The following EXOSC7 variants were observed in gnomAD, a reference collection of about 807,000 sequenced individuals.
EXOSC7 encodes exosome complex component RRP42.
In EXOSC7, 25 loss-of-function variants were observed where a neutral mutation model predicts 34.3. That is an observed-to-expected ratio of 0.73 (90% CI 0.53 to 1.02). The LOEUF (loss-of-function observed/expected upper bound fraction) is 1.02, where lower values mean the gene tolerates loss of function less well. Among genes scored for constraint, EXOSC7 ranks in the 50% least tolerant of loss-of-function variants. The pLI, the probability that EXOSC7 is intolerant of heterozygous loss-of-function variation, is 0.00. For synonymous variants in EXOSC7, 130 were observed against 143.0 expected (o/e 0.91, Z 0.65); for missense variants, 370 against 368.5 (o/e 1.00, Z -0.03).
chr3:45,010,006 ATTAC>A (rs1707161139), intron 7 of EXOSC7, among the ~76,000 whole-genome samples: 2 of 152,184 alleles, frequency 1.3e-5, no homozygotes, highest in African/African-American at 4.8e-5. Context: ...CACACAAGTC[ATTAC>A]TCTGGGGAGG....
intron 3 of EXOSC7, among the ~76,000 whole-genome samples, chr3:44,995,977 T>G (rs1706710627): frequency 6.6e-6 from 1 of 152,216 alleles, no homozygotes; most frequent in African/African-American, 2.4e-5. Context: ...CCTTTAAACC[T>G]GAATGCTAAT....
At chr3:44,980,990 C>T (rs1284407945) in intron 1 of EXOSC7, among the ~76,000 whole-genome samples, 1 of 152,174 alleles carries the variant, frequency 6.6e-6, no homozygotes, top group African/African-American at 2.4e-5. Flanking sequence ...TGTGTGTTTT[C>T]CTCATCCATG....
chr3:45,003,363 A>G (rs4683020), intron 5 of EXOSC7, among the ~76,000 whole-genome samples: 3,456 of 49,568 alleles, frequency 0.07, 59 homozygotes, highest in East Asian at 0.46. Flanking sequence ...GTGTGTGTGT[A>G]TGTGTGTGTG....
At chr3:44,996,526 T>G (rs1327856100) in intron 3 of EXOSC7, among the ~76,000 whole-genome samples, 1 of 152,244 alleles carries the variant, frequency 6.6e-6, no homozygotes, top group African/African-American at 2.4e-5. Flanking sequence ...AGTACAGTGA[T>G]ATCTAAAGTT....
intron 1 of EXOSC7, 50 bp from the exon 2 acceptor site, chr3:44,989,090 A>C: frequency 7.9e-7 from 1 of 1,269,420 alleles, no homozygotes; most frequent in Non-Finnish European, 1.2e-6. Flanking sequence ...TCCGTTTAGG[A>C]GTTATTGTTG....
chr3:45,006,068 CTTTTTTTTTTTTTTTTT>C (rs34869939), intron 6 of EXOSC7, among the ~76,000 whole-genome samples: 3 of 47,298 alleles, frequency 6.3e-5, no homozygotes, highest in East Asian at 8.9e-4. Flanking sequence ...TGGGTCTTGG[CTTTTTTTTTTTTTTTTT>C]TTTTTTTTTT....
At chr3:44,988,759 C>T (rs1706488859) in intron 1 of EXOSC7, among the ~76,000 whole-genome samples, 1 of 152,162 alleles carries the variant, frequency 6.6e-6, no homozygotes. Context: ...ACAACATATA[C>T]TTCTTGGTGC....
intron 7 of EXOSC7, 99 bp downstream of exon 7, chr3:45,007,674 C>G: frequency 1.5e-6 from 2 of 1,297,020 alleles, no homozygotes; most frequent in Admixed American, 2.9e-5. Flanking sequence ...CCATTCACAG[C>G]CTTGACCCCA....
chr3:44,984,511 C>T (rs1706354923), intron 1 of EXOSC7, among the ~76,000 whole-genome samples: 1 of 151,574 alleles, frequency 6.6e-6, no homozygotes, highest in African/African-American at 2.4e-5. Context: ...AACCCTGTGA[C>T]CTTGTGGCCA....
intron 7 of EXOSC7, 62 bp from the exon 8 acceptor site, chr3:45,011,173 T>A (rs980029458): frequency 2.2e-6 from 2 of 923,202 alleles, no homozygotes; most frequent in African/African-American, 3.4e-5. Flanking sequence ...GGAATGCTTT[T>A]CTGGTCAGAG....
At chr3:44,980,813 C>T (rs976469947) in intron 1 of EXOSC7, among the ~76,000 whole-genome samples, 5 of 152,190 alleles carry the variant, frequency 3.3e-5, no homozygotes, top group African/African-American at 1.2e-4. Flanking sequence ...ATTTTTCCCA[C>T]ATTGAGTATA....
At chr3:44,993,573 C>T (rs749869822) in intron 3 of EXOSC7, among the ~76,000 whole-genome samples, 9 of 151,908 alleles carry the variant, frequency 5.9e-5, no homozygotes, top group Non-Finnish European at 1.3e-4. Flanking sequence ...GGTGATGAGT[C>T]AGAAGGGGTG....
chr3:45,010,002 A>G (rs547516668), intron 7 of EXOSC7, among the ~76,000 whole-genome samples: 1 of 152,290 alleles, frequency 6.6e-6, no homozygotes, highest in African/African-American at 2.4e-5. Context: ...AAGACACACA[A>G]GTCATTACTC....
intron 1 of EXOSC7, among the ~76,000 whole-genome samples, chr3:44,983,421 C>G (rs545817729): frequency 4.6e-5 from 7 of 152,296 alleles, no homozygotes; most frequent in African/African-American, 1.7e-4. Flanking sequence ...GGGGTTATCC[C>G]TGCTTTCTAG....
intron 5 of EXOSC7, among the ~76,000 whole-genome samples, chr3:45,003,128 C>T (rs1706925002): frequency 6.6e-6 from 1 of 152,164 alleles, no homozygotes; most frequent in Non-Finnish European, 1.5e-5. Flanking sequence ...TGGGCACAGC[C>T]ATAGTCTCAT....
chr3:44,985,475 C>T (rs150563894), intron 1 of EXOSC7, among the ~76,000 whole-genome samples: 201 of 151,950 alleles, frequency 1.3e-3, no homozygotes, highest in African/African-American at 4.4e-3. Context: ...CTGGTGGGTT[C>T]GTGGTCTCGC....
chr3:44,980,728 T>C (rs909277961), intron 1 of EXOSC7, among the ~76,000 whole-genome samples: 18 of 152,230 alleles, frequency 1.2e-4, no homozygotes, highest in African/African-American at 4.1e-4. Flanking sequence ...AAAGTTCTAA[T>C]TGACACCTCC....
At chr3:45,004,992 T>C in intron 5 of EXOSC7, 1 of 273,450 alleles carries the variant, frequency 3.7e-6, no homozygotes, top group East Asian at 6.4e-5. Context: ...ATTTTTTATA[T>C]CTATGGTCTA....
At chr3:45,004,788 ATCTG>A (rs1706987482) in intron 5 of EXOSC7, 1 of 151,734 alleles carries the variant, frequency 6.6e-6, no homozygotes, top group Non-Finnish European at 1.5e-5. Context: ...TCTTTATGTA[ATCTG>A]TCAGGTAGTA....
Sources: allele counts gnomAD v4.1 joint callset (sites outside exome capture counted in the v4.1 genomes callset), GRCh38; gene constraint gnomAD v4.1.1; transcripts MANE v1.5; gene names NCBI Gene and HGNC (gene_info 2026-07-23, HGNC 2026-07-21).